Variants in CADM2 observed in about 807,000 individuals in gnomAD.
CADM2 encodes immunoglobulin superfamily member 4D.
A neutral mutation model predicts 49.8 loss-of-function variants in CADM2; 12 were observed. That is an observed-to-expected ratio of 0.24 (90% confidence interval 0.15 to 0.39). CADM2 has a LOEUF of 0.39. CADM2 is among the 10% of genes least tolerant of loss of function. The pLI is 1.00. For synonymous variants in CADM2, 214 were observed against 175.4 expected (o/e 1.22, Z -1.74); for missense variants, 378 against 492.3 (o/e 0.77, Z 2.20).
At chr3:85,089,416 T>G (rs969089228) in intron 1 of CADM2, among the ~76,000 whole-genome samples, 1 of 152,108 alleles carries the variant, frequency 6.6e-6, no homozygotes, top group Non-Finnish European at 1.5e-5. Context: ...CAATGCCTCA[T>G]TCCCCACATC....
rs1731785206 is a variant in CADM2 at position 86,013,285 on chromosome 3, A to T, written c.970+51638A>T. 2.0e-6 allele frequency: 3 copies of T among 1,529,044 alleles called. No individual in the cohort carries two copies. In the East Asian group the frequency reaches 6.8e-5, roughly 34 times the overall value. 94.7% of individuals were successfully genotyped at this position (1,529,044 alleles called of 1,614,324 possible). On this transcript the variant is annotated intron_variant, in intron 8 of 9. Coordinates refer to ENST00000383699, the MANE Select transcript of CADM2 (RefSeq NM_001167675.2). ...AGTGAAGAAGAGGGTGAAGGGCAAG[A>T]TGAGGACATTTTACCTCTATCCCTT... is the stretch of plus-strand genomic sequence containing the variant.
At chr3:85,477,716 C>G (rs7621381) in intron 1 of CADM2, among the ~76,000 whole-genome samples, 77,974 of 151,628 alleles carry the variant, frequency 0.51, 22,994 homozygotes, top group East Asian at 0.83. Context: ...TTTGCACAAT[C>G]TAGATATTGC....
intron 8 of CADM2, among the ~76,000 whole-genome samples, chr3:86,040,921 A>G (rs1365870233): frequency 6.6e-6 from 1 of 152,194 alleles, no homozygotes; most frequent in Non-Finnish European, 1.5e-5. Flanking sequence ...AGTGGGGGTT[A>G]ATATTCAACA....
chr3:85,992,833 A>G (rs1466557164), intron 8 of CADM2: 2 of 152,162 alleles, frequency 1.3e-5, no homozygotes, highest in Non-Finnish European at 2.9e-5. Context: ...TGAAGGTTAG[A>G]GTGGTAAGGC....
intron 6 of CADM2, among the ~76,000 whole-genome samples, chr3:85,931,941 A>T (rs553570101): frequency 2.0e-5 from 3 of 151,410 alleles, no homozygotes; most frequent in East Asian, 1.9e-4. Context: ...TGGTTTAATA[A>T]TTTTTAAGAG....
At chr3:85,900,802 CA>C (rs1178973924) in intron 5 of CADM2, among the ~76,000 whole-genome samples, 2 of 151,978 alleles carry the variant, frequency 1.3e-5, no homozygotes, top group East Asian at 3.9e-4. Flanking sequence ...AGGTTATTTC[CA>C]AAAAATATTT....
intron 1 of CADM2, among the ~76,000 whole-genome samples, chr3:85,122,317 CA>C (rs2038891875): frequency 6.6e-6 from 1 of 152,152 alleles, no homozygotes; most frequent in South Asian, 2.1e-4. Context: ...ATCAGTGACT[CA>C]ATATTGCCAA....
chr3:85,357,043 A>G (rs757187136), intron 1 of CADM2, among the ~76,000 whole-genome samples: 1 of 152,092 alleles, frequency 6.6e-6, no homozygotes, highest in African/African-American at 2.4e-5. Flanking sequence ...TTAATTTTAT[A>G]TTTACATTGA....
chr3:85,305,300 T>C (rs972211389), intron 1 of CADM2, among the ~76,000 whole-genome samples: 1 of 151,666 alleles, frequency 6.6e-6, no homozygotes, highest in African/African-American at 2.4e-5. Flanking sequence ...TTTAAAATAA[T>C]TTATTTTTAA....
intron 1 of CADM2, among the ~76,000 whole-genome samples, chr3:85,625,481 G>A (rs2064098551): frequency 6.6e-6 from 1 of 151,966 alleles, no homozygotes; most frequent in African/African-American, 2.4e-5. Flanking sequence ...TTTATTCAAA[G>A]GAATGATTTG....
chr3:85,159,209 T>A (rs1027331769), intron 1 of CADM2, among the ~76,000 whole-genome samples: 2 of 152,230 alleles, frequency 1.3e-5, no homozygotes, highest in African/African-American at 4.8e-5. Flanking sequence ...GTATTATTAA[T>A]GTTTTAGGAC....
At chr3:85,959,053 T>C (rs1440453871) in intron 7 of CADM2, among the ~76,000 whole-genome samples, 2 of 150,778 alleles carry the variant, frequency 1.3e-5, no homozygotes, top group Non-Finnish European at 3.0e-5. Context: ...TATATATCTA[T>C]ATATCTATAT....
chr3:85,465,362 T>C (rs2038445657), intron 1 of CADM2, among the ~76,000 whole-genome samples: 1 of 152,168 alleles, frequency 6.6e-6, no homozygotes, highest in Admixed American at 6.5e-5. Flanking sequence ...ATCGACCACC[T>C]GGGAATGCAG....
At chr3:85,175,606 T>C (rs189306416) in intron 1 of CADM2, among the ~76,000 whole-genome samples, 1 of 152,246 alleles carries the variant, frequency 6.6e-6, no homozygotes, top group East Asian at 1.9e-4. Flanking sequence ...TGGGGAATCA[T>C]TCATTGTTTA....
chr3:85,484,937 G>A (rs2039357896), intron 1 of CADM2, among the ~76,000 whole-genome samples: 1 of 151,834 alleles, frequency 6.6e-6, no homozygotes, highest in Non-Finnish European at 1.5e-5. Flanking sequence ...CACGCAGTTT[G>A]CCAGTGTAGC....
At chr3:85,505,243 T>C (rs911235602) in intron 1 of CADM2, among the ~76,000 whole-genome samples, 12 of 152,214 alleles carry the variant, frequency 7.9e-5, no homozygotes, top group Non-Finnish European at 1.6e-4. Flanking sequence ...CCTCTCAATA[T>C]CACAAGTGTA....
intron 1 of CADM2, among the ~76,000 whole-genome samples, chr3:85,674,995 A>G (rs2065851615): frequency 6.6e-6 from 1 of 152,180 alleles, no homozygotes; most frequent in Non-Finnish European, 1.5e-5. Context: ...AAAAGCACAC[A>G]TATCTAGACT....
chr3:85,051,530 G>C (rs1181276281), intron 1 of CADM2, among the ~76,000 whole-genome samples: 3 of 152,010 alleles, frequency 2.0e-5, no homozygotes, highest in Admixed American at 1.3e-4. Context: ...TTGTAGGGAC[G>C]GGGGGAGCTG....
At chr3:85,022,269 A>G (rs1350515194) in intron 1 of CADM2, among the ~76,000 whole-genome samples, 1 of 152,164 alleles carries the variant, frequency 6.6e-6, no homozygotes. Flanking sequence ...TCTTTATCAC[A>G]TATTTATACC....
Sources: allele counts gnomAD v4.1 joint callset (sites outside exome capture counted in the v4.1 genomes callset), GRCh38; gene constraint gnomAD v4.1.1; transcripts MANE v1.5; gene names NCBI Gene and HGNC (gene_info 2026-07-23, HGNC 2026-07-21).